The following DCC variants were observed in gnomAD, a reference collection of about 807,000 sequenced individuals.
The protein encoded by DCC is netrin receptor DCC.
DCC carries 58 observed loss-of-function variants against 172.5 expected under a neutral mutation model. The ratio of observed to expected loss-of-function variants is 0.34; its 90% CI spans 0.27 to 0.42. The LOEUF (loss-of-function observed/expected upper bound fraction) is 0.42, where lower values mean the gene tolerates loss of function less well. DCC is among the 10% of genes least tolerant of loss of function. DCC has a pLI of 1.00. For synonymous variants in DCC, 709 were observed against 644.5 expected (o/e 1.10, Z -1.52); for missense variants, 1,740 against 1,791.0 (o/e 0.97, Z 0.51).
At chr18:52,709,363 G>T (rs545877950) in intron 1 of DCC, among the ~76,000 whole-genome samples, 1 of 152,072 alleles carries the variant, frequency 6.6e-6, no homozygotes, top group Non-Finnish European at 1.5e-5. Flanking sequence ...TTTTGAAAAC[G>T]TTATATTAAA....
intron 5 of DCC, among the ~76,000 whole-genome samples, chr18:52,955,218 C>T (rs1292150608): frequency 6.6e-6 from 1 of 152,076 alleles, no homozygotes; most frequent in African/African-American, 2.4e-5. Flanking sequence ...CTATTCATCC[C>T]TTCCTGCATG....
chr18:53,173,243 T>A (rs560118194), intron 8 of DCC, among the ~76,000 whole-genome samples: 49 of 152,238 alleles, frequency 3.2e-4, no homozygotes, highest in African/African-American at 1.1e-3. Flanking sequence ...TACTATTGAA[T>A]CTCATCCAGA....
intron 26 of DCC, among the ~76,000 whole-genome samples, chr18:53,497,454 A>G (rs1256476138): frequency 1.3e-5 from 2 of 152,226 alleles, no homozygotes; most frequent in Non-Finnish European, 2.9e-5. Context: ...TTATGGGAAC[A>G]AAGAGTGAGG....
At chr18:52,424,966 G>A (rs974489585) in intron 1 of DCC, among the ~76,000 whole-genome samples, 5 of 151,684 alleles carry the variant, frequency 3.3e-5, no homozygotes, top group Admixed American at 1.3e-4. Context: ...GGGGGTACAA[G>A]TATAATTTTG....
At chr18:52,926,306 T>A (rs187387599) in intron 5 of DCC, among the ~76,000 whole-genome samples, 1 of 152,044 alleles carries the variant, frequency 6.6e-6, no homozygotes, top group African/African-American at 2.4e-5. Context: ...CAGAAAACAC[T>A]TTCATCTGTG....
At chr18:53,162,988 C>T (rs1243354602) in intron 8 of DCC, among the ~76,000 whole-genome samples, 1 of 152,208 alleles carries the variant, frequency 6.6e-6, no homozygotes, top group Non-Finnish European at 1.5e-5. Flanking sequence ...ATGTCAACTA[C>T]TGTGTGGAAC....
At chr18:52,799,745 A>T (rs1389775887) in intron 2 of DCC, among the ~76,000 whole-genome samples, 1 of 152,214 alleles carries the variant, frequency 6.6e-6, no homozygotes, top group African/African-American at 2.4e-5. Flanking sequence ...AACAATTGCC[A>T]GGAAATAAAC....
chr18:52,709,181 T>C (rs1599036709), intron 1 of DCC, among the ~76,000 whole-genome samples: 2 of 152,006 alleles, frequency 1.3e-5, no homozygotes, highest in Non-Finnish European at 2.9e-5. Context: ...CCTCAGAGAG[T>C]ATAAATAATG....
chr18:53,351,412 T>A (rs1433084920), intron 15 of DCC, among the ~76,000 whole-genome samples: 1 of 7,680 alleles, frequency 1.3e-4, no homozygotes, highest in Non-Finnish European at 2.4e-4. Flanking sequence ...TATATATATA[T>A]ATATACACAC....
At chr18:52,384,672 G>A (rs373959916) in intron 1 of DCC, among the ~76,000 whole-genome samples, 19 of 152,088 alleles carry the variant, frequency 1.2e-4, no homozygotes, top group East Asian at 5.8e-4. Flanking sequence ...TTACCAAGTC[G>A]TCTTTTTTAT....
intron 1 of DCC, among the ~76,000 whole-genome samples, chr18:52,342,371 G>A (rs1379640900): frequency 2.0e-5 from 3 of 147,696 alleles, no homozygotes; most frequent in East Asian, 2.0e-4. Flanking sequence ...CCCTCCCTCC[G>A]TCTGTCCCTC....
chr18:52,761,464 A>G (rs979560266), intron 2 of DCC, among the ~76,000 whole-genome samples: 1 of 152,228 alleles, frequency 6.6e-6, no homozygotes, highest in African/African-American at 2.4e-5. Flanking sequence ...TTCATGAAAG[A>G]GCGAGATAAT....
At chr18:52,944,232 C>T (rs2040506039) in intron 5 of DCC, among the ~76,000 whole-genome samples, 1 of 152,124 alleles carries the variant, frequency 6.6e-6, no homozygotes, top group African/African-American at 2.4e-5. Context: ...TCCATGTTTG[C>T]CTATTACGAT....
At chr18:53,085,617 A>C (rs1485511466) in intron 7 of DCC, among the ~76,000 whole-genome samples, 1 of 152,176 alleles carries the variant, frequency 6.6e-6, no homozygotes, top group East Asian at 1.9e-4. Context: ...AAGCCATTAA[A>C]ACATAGAACA....
chr18:53,132,024 G>T (rs1356072729), intron 7 of DCC, among the ~76,000 whole-genome samples: 2 of 108,432 alleles, frequency 1.8e-5, no homozygotes, highest in African/African-American at 7.2e-5. Context: ...ACAGATTCTT[G>T]CAGTTCATTA....
intron 19 of DCC, among the ~76,000 whole-genome samples, chr18:53,404,530 G>A (rs1214064533): frequency 2.0e-5 from 3 of 151,900 alleles, no homozygotes; most frequent in Non-Finnish European, 4.4e-5. Flanking sequence ...AGGAGATCGA[G>A]ACCATCCTGG....
chr18:52,722,700 C>G (rs993040087), intron 1 of DCC, among the ~76,000 whole-genome samples: 2 of 152,122 alleles, frequency 1.3e-5, no homozygotes, highest in East Asian at 1.9e-4. Context: ...CTCAGAGACT[C>G]CTGACCTGCC....
intron 2 of DCC, among the ~76,000 whole-genome samples, chr18:52,824,444 TTGG>T (rs140516237): frequency 0.064 from 9,744 of 152,160 alleles, 1,037 homozygotes; most frequent in African/African-American, 0.22. Flanking sequence ...GCAGGATTTA[TTGG>T]TGGGAAGTTA....
intron 5 of DCC, among the ~76,000 whole-genome samples, chr18:52,957,414 A>G (rs1218488346): frequency 6.6e-6 from 1 of 152,146 alleles, no homozygotes; most frequent in Non-Finnish European, 1.5e-5. Context: ...CTAGTTCTTA[A>G]AATATTAGTA....
Sources: allele counts gnomAD v4.1 joint callset (sites outside exome capture counted in the v4.1 genomes callset), GRCh38; gene constraint gnomAD v4.1.1; transcripts MANE v1.5; gene names NCBI Gene and HGNC (gene_info 2026-07-23, HGNC 2026-07-21).